The following CACNA2D3 variants were observed in gnomAD, a reference collection of about 807,000 sequenced individuals.
CACNA2D3 encodes voltage-dependent calcium channel subunit alpha-2/delta-3.
Under a neutral mutation model 160.6 loss-of-function variants are expected in CACNA2D3, and 60 were observed. The observed-to-expected ratio is 0.37, with a 90% CI of 0.30 to 0.46. The LOEUF (loss-of-function observed/expected upper bound fraction) is 0.46. Among genes scored for constraint, CACNA2D3 ranks in the 20% least tolerant of loss-of-function variants. CACNA2D3 has a pLI of 1.00. For synonymous variants in CACNA2D3, 558 were observed against 492.9 expected (o/e 1.13, Z -1.75); for missense variants, 1,205 against 1,365.0 (o/e 0.88, Z 1.85).
chr3:54,475,912 A>G (rs1575478088), intron 4 of CACNA2D3, among the ~76,000 whole-genome samples: 2 of 150,740 alleles, frequency 1.3e-5, no homozygotes, highest in East Asian at 4.0e-4. Context: ...ATTAACTATT[A>G]TTGCCATGCT....
In CACNA2D3 at chr3:54,545,472, A is replaced by G. The variant is rs142272804; in HGVS notation, c.545-17328A>G. 3.6e-3 allele frequency among the ~76,000 whole-genome samples: 550 copies of G among 151,944 alleles called. 3 individuals carry two copies. The highest frequency in any genetic ancestry group is 0.013 in the African/African-American group (526 of 41,434). On this transcript the variant is annotated intron_variant, in intron 5 of 37. Coordinates refer to ENST00000474759, the MANE Select transcript of CACNA2D3 (RefSeq NM_018398.3). ...TAGCAGTAACATTTTCCCCTTTTTCATTGTTATTTGCAGCATGTAATCTGC... is the reference window on the plus strand; with the variant it reads ...TAGCAGTAACATTTTCCCCTTTTTCGTTGTTATTTGCAGCATGTAATCTGC...
intron 4 of CACNA2D3, among the ~76,000 whole-genome samples, chr3:54,469,636 C>T (rs1334623982): frequency 6.6e-6 from 1 of 151,944 alleles, no homozygotes; most frequent in Non-Finnish European, 1.5e-5. Context: ...CTCCTCTGAG[C>T]TAAAGGAGCA....
chr3:54,191,606 C>A (rs190220302), intron 2 of CACNA2D3, among the ~76,000 whole-genome samples: 3 of 152,032 alleles, frequency 2.0e-5, no homozygotes, highest in Non-Finnish European at 1.5e-5. Flanking sequence ...AGTCTCTTCT[C>A]ATGCTTGTGC....
At chr3:55,059,740 A>G (rs1704457354) in intron 35 of CACNA2D3, among the ~76,000 whole-genome samples, 1 of 152,120 alleles carries the variant, frequency 6.6e-6, no homozygotes, top group African/African-American at 2.4e-5. Flanking sequence ...GATGGTGGAT[A>G]CGGGGATTTT....
chr3:54,483,275 G>A (rs1487646443), intron 4 of CACNA2D3, among the ~76,000 whole-genome samples: 1 of 152,096 alleles, frequency 6.6e-6, no homozygotes, highest in African/African-American at 2.4e-5. Flanking sequence ...AGGTCTTGAT[G>A]CACAGAGCCT....
At chr3:54,792,114 G>C (rs1482738338) in intron 13 of CACNA2D3, among the ~76,000 whole-genome samples, 2 of 152,356 alleles carry the variant, frequency 1.3e-5, no homozygotes, top group African/African-American at 4.8e-5. Context: ...GTTCGTGACA[G>C]CTCCTGGAGA....
chr3:54,232,791 A>G (rs1457420765), intron 2 of CACNA2D3, among the ~76,000 whole-genome samples: 1 of 152,192 alleles, frequency 6.6e-6, no homozygotes, highest in Non-Finnish European at 1.5e-5. Flanking sequence ...CAGACTTTAA[A>G]TTATGCGATT....
At chr3:55,013,009 A>G (rs1575435506) in intron 34 of CACNA2D3, among the ~76,000 whole-genome samples, 2 of 152,292 alleles carry the variant, frequency 1.3e-5, no homozygotes, top group South Asian at 4.1e-4. Context: ...GGAGCTTTGT[A>G]GAAAGGACCC....
chr3:54,327,875 G>T (rs1208219705), intron 3 of CACNA2D3, among the ~76,000 whole-genome samples: 1 of 151,926 alleles, frequency 6.6e-6, no homozygotes, highest in Non-Finnish European at 1.5e-5. Context: ...ATTCTTTCTT[G>T]TAACAGGCTT....
At chr3:54,854,201 GAC>G (rs1432202890) in intron 17 of CACNA2D3, among the ~76,000 whole-genome samples, 1 of 152,140 alleles carries the variant, frequency 6.6e-6, no homozygotes, top group Non-Finnish European at 1.5e-5. Context: ...AAATAAACAA[GAC>G]TGTGTGACCC....
chr3:54,244,404 C>T (rs1702031910), intron 2 of CACNA2D3, among the ~76,000 whole-genome samples: 2 of 152,158 alleles, frequency 1.3e-5, no homozygotes, highest in African/African-American at 4.8e-5. Flanking sequence ...CTATGAAACA[C>T]AGTAATATTT....
intron 3 of CACNA2D3, among the ~76,000 whole-genome samples, chr3:54,321,186 G>T (rs1000066735): frequency 2.0e-5 from 3 of 152,020 alleles, no homozygotes; most frequent in Non-Finnish European, 2.9e-5. Flanking sequence ...CGGGTGTGTT[G>T]GTGGGTGCCT....
rs1260707224 is a variant in CACNA2D3, at chr3:54,282,170, A to G, written c.205-38272A>G. ...AATGCATGTTGAACGCTGAGAAAAA[A>G]AATATTAAGCTAGGGGGTTTTGCAG... is the stretch of plus-strand genomic sequence containing the variant. On this transcript the variant is annotated intron_variant, in intron 2 of 37. Transcript: ENST00000474759. Among the ~76,000 whole-genome samples, 3 of 152,338 alleles carry G rather than the reference A, an allele frequency of 2.0e-5. No homozygotes were observed. The East Asian group carries it at 5.8e-4, about 29-fold the overall frequency.
chr3:55,034,171 A>T (rs1390085549), intron 35 of CACNA2D3, among the ~76,000 whole-genome samples: 1 of 151,884 alleles, frequency 6.6e-6, no homozygotes, highest in East Asian at 1.9e-4. Context: ...CTCTTCTTCT[A>T]CCAATTTATG....
chr3:54,795,321 A>T (rs1034447421), intron 13 of CACNA2D3, among the ~76,000 whole-genome samples: 1 of 152,008 alleles, frequency 6.6e-6, no homozygotes, highest in Non-Finnish European at 1.5e-5. Context: ...TAAGTCTTTT[A>T]TTAAATTTTA....
intron 8 of CACNA2D3, among the ~76,000 whole-genome samples, chr3:54,572,916 A>G (rs1423193287): frequency 6.6e-6 from 1 of 152,248 alleles, no homozygotes; most frequent in Non-Finnish European, 1.5e-5. Flanking sequence ...TTGTTCTGTT[A>G]ACAAAACCAA....
chr3:54,734,452 C>G (rs749038479), intron 11 of CACNA2D3, among the ~76,000 whole-genome samples: 3 of 151,732 alleles, frequency 2.0e-5, no homozygotes, highest in Non-Finnish European at 4.4e-5. Flanking sequence ...TTTTAGGAGG[C>G]CAGAATAATA....
intron 11 of CACNA2D3, among the ~76,000 whole-genome samples, chr3:54,679,145 C>T (rs1300034521): frequency 6.6e-6 from 1 of 152,160 alleles, no homozygotes; most frequent in Non-Finnish European, 1.5e-5. Flanking sequence ...CCTCTGCGGT[C>T]CCATTGGTCC....
At chr3:54,162,005 C>T (rs1186780500) in intron 2 of CACNA2D3, among the ~76,000 whole-genome samples, 1 of 152,154 alleles carries the variant, frequency 6.6e-6, no homozygotes, top group Admixed American at 6.5e-5. Flanking sequence ...CCTGGAGGGG[C>T]TCGGGTCATG....
Sources: gnomAD v4.1 joint callset for allele counts (sites outside exome capture counted in the v4.1 genomes callset) on GRCh38, gnomAD v4.1.1 for gene constraint, MANE v1.5 for transcripts, NCBI Gene and HGNC (gene_info 2026-07-23, HGNC 2026-07-21) for gene names.